ZNF804B: variants seen among roughly 807,000 people sequenced by gnomAD.
ZNF804B encodes the protein zinc finger 804B.
A neutral mutation model predicts 101.4 loss-of-function variants in ZNF804B; 80 were observed. The ratio of observed to expected loss-of-function variants is 0.79; its 90% confidence interval spans 0.66 to 0.95. The LOEUF (loss-of-function observed/expected upper bound fraction) is 0.95. ZNF804B is among the 40% of genes least tolerant of loss of function. The probability of loss-of-function intolerance (pLI) is 0.00; values close to 1 mark genes in which losing one functional copy is unlikely to be tolerated. For synonymous variants in ZNF804B, 622 were observed against 558.8 expected, an observed-to-expected ratio of 1.11 and a Z score of -1.59; for missense variants, 1,673 against 1,561.9, an observed-to-expected ratio of 1.07 and a Z score of -1.20.
chr7:88,882,978 C>G (rs1189207921), intron 1 of ZNF804B, among the ~76,000 whole-genome samples: 1 of 152,004 alleles, frequency 6.6e-6, no homozygotes, highest in African/African-American at 2.4e-5. Flanking sequence ...TGTAACAAAT[C>G]TGCACATGTA....
intron 2 of ZNF804B, among the ~76,000 whole-genome samples, chr7:89,274,932 C>T (rs1406316050): frequency 1.3e-5 from 2 of 151,820 alleles, no homozygotes; most frequent in African/African-American, 4.9e-5. Context: ...TCACTTCTAT[C>T]CTTATTTATC....
intron 1 of ZNF804B, among the ~76,000 whole-genome samples, chr7:89,115,161 A>T (rs1375652999): frequency 6.6e-6 from 1 of 152,142 alleles, no homozygotes; most frequent in Non-Finnish European, 1.5e-5. Flanking sequence ...GGCAAAATGA[A>T]CTCTCCACCT....
chr7:88,977,409 G>T (rs1275143432), intron 1 of ZNF804B, among the ~76,000 whole-genome samples: 1 of 151,174 alleles, frequency 6.6e-6, no homozygotes, highest in African/African-American at 2.4e-5. Flanking sequence ...TTTTAGTATA[G>T]CCTCTATTTT....
intron 1 of ZNF804B, among the ~76,000 whole-genome samples, chr7:89,142,284 GTTTT>G (rs925144256): frequency 6.7e-6 from 1 of 150,156 alleles, no homozygotes; most frequent in Non-Finnish European, 1.5e-5. Context: ...GTTTTTTGTT[GTTTT>G]TTGTTTTATT....
At chr7:88,925,501 A>T (rs1792783530) in intron 1 of ZNF804B, among the ~76,000 whole-genome samples, 1 of 152,180 alleles carries the variant, frequency 6.6e-6, no homozygotes, top group Admixed American at 6.6e-5. Context: ...GACACTAAAG[A>T]TGCATGTGTG....
At chr7:89,113,252 T>C (rs528907958) in intron 1 of ZNF804B, among the ~76,000 whole-genome samples, 6 of 152,314 alleles carry the variant, frequency 3.9e-5, no homozygotes, top group African/African-American at 7.2e-5. Flanking sequence ...AGCATGAAGA[T>C]AGTTTGTTCA....
chr7:89,145,831 T>C (rs899460638), intron 1 of ZNF804B, among the ~76,000 whole-genome samples: 1 of 151,990 alleles, frequency 6.6e-6, no homozygotes, highest in Non-Finnish European at 1.5e-5. Context: ...CTTTTTTCAT[T>C]TTTGGTTAGT....
At chr7:89,194,692 A>G (rs1301490472) in intron 1 of ZNF804B, among the ~76,000 whole-genome samples, 1 of 151,482 alleles carries the variant, frequency 6.6e-6, no homozygotes, top group East Asian at 1.9e-4. Flanking sequence ...TGGTACCAGT[A>G]CCATGCTGTT....
intron 1 of ZNF804B, among the ~76,000 whole-genome samples, chr7:88,981,170 C>G (rs1793688888): frequency 6.6e-6 from 1 of 152,076 alleles, no homozygotes; most frequent in South Asian, 2.1e-4. Flanking sequence ...TACTGCCTGC[C>G]TACCACTGAC....
At chr7:88,939,260 A>G (rs369845037) in intron 1 of ZNF804B, among the ~76,000 whole-genome samples, 1 of 151,978 alleles carries the variant, frequency 6.6e-6, no homozygotes, top group African/African-American at 2.4e-5. Flanking sequence ...TTTTAAATCA[A>G]CTCTAGATTA....
intron 1 of ZNF804B, among the ~76,000 whole-genome samples, chr7:89,049,563 T>G (rs1187662069): frequency 2.6e-5 from 4 of 152,164 alleles, no homozygotes; most frequent in Admixed American, 6.5e-5. Flanking sequence ...ACATCTGGTT[T>G]ACTTCCACAA....
chr7:89,280,863 C>T (rs1228747272), intron 2 of ZNF804B, among the ~76,000 whole-genome samples: 1 of 152,076 alleles, frequency 6.6e-6, no homozygotes, highest in Non-Finnish European at 1.5e-5. Context: ...TGAAACTATT[C>T]CAATCAATAG....
intron 2 of ZNF804B, among the ~76,000 whole-genome samples, chr7:89,265,756 T>C (rs1789782703): frequency 6.6e-6 from 1 of 152,226 alleles, no homozygotes; most frequent in South Asian, 2.1e-4. Flanking sequence ...TTAAGAATGG[T>C]AGTAACAGCA....
chr7:88,814,644 G>C (rs1242365385), intron 1 of ZNF804B, among the ~76,000 whole-genome samples: 2 of 151,880 alleles, frequency 1.3e-5, no homozygotes, highest in Non-Finnish European at 2.9e-5. Context: ...TATTATAATT[G>C]GAACATTAAG....
At chr7:88,828,741 G>A (rs950843459) in intron 1 of ZNF804B, among the ~76,000 whole-genome samples, 1 of 152,120 alleles carries the variant, frequency 6.6e-6, no homozygotes, top group Non-Finnish European at 1.5e-5. Flanking sequence ...GATTTACAAA[G>A]TGAGACAGTT....
intron 2 of ZNF804B, among the ~76,000 whole-genome samples, chr7:89,298,876 G>C (rs918385250): frequency 6.6e-6 from 1 of 151,762 alleles, no homozygotes; most frequent in Non-Finnish European, 1.5e-5. Flanking sequence ...AAAGTTGCCA[G>C]TTCTAAAGAA....
chr7:89,183,839 C>G (rs1355087608), intron 1 of ZNF804B, among the ~76,000 whole-genome samples: 3 of 152,110 alleles, frequency 2.0e-5, no homozygotes, highest in Non-Finnish European at 4.4e-5. Flanking sequence ...CTTCCAAATT[C>G]AGGATCTTGT....
At chr7:89,036,408 G>T (rs1021608504) in intron 1 of ZNF804B, among the ~76,000 whole-genome samples, 2 of 151,810 alleles carry the variant, frequency 1.3e-5, no homozygotes, top group African/African-American at 4.8e-5. Flanking sequence ...ATTAATATTA[G>T]TATTATGGTA....
At chr7:88,874,318 T>G (rs905551065) in intron 1 of ZNF804B, among the ~76,000 whole-genome samples, 11 of 152,020 alleles carry the variant, frequency 7.2e-5, no homozygotes, top group African/African-American at 2.7e-4. Context: ...GTACATTGAT[T>G]TTGTATCCTG....
Sources: allele counts gnomAD v4.1 joint callset (sites outside exome capture counted in the v4.1 genomes callset), GRCh38; gene constraint gnomAD v4.1.1; transcripts MANE v1.5; gene names NCBI Gene and HGNC (gene_info 2026-07-23, HGNC 2026-07-21).